BET1: variants seen among roughly 807,000 people sequenced by gnomAD.
BET1 encodes BET1 homolog.
BET1 carries 9 observed loss-of-function variants against 13.9 expected under a neutral mutation model. The observed-to-expected ratio is 0.65, with a 90% CI of 0.39 to 1.13. The LOEUF is 1.13. Among genes scored for constraint, BET1 ranks in the 50% most tolerant of loss-of-function variants. The pLI is 0.01. For synonymous variants in BET1, 39 were observed against 47.3 expected (o/e 0.82, Z 0.72); for missense variants, 127 against 133.6 (o/e 0.95, Z 0.24).
intron 4 of BET1, among the ~76,000 whole-genome samples, chr7:93,979,629 T>C (rs1386925521): frequency 1.3e-5 from 2 of 151,782 alleles, no homozygotes; most frequent in South Asian, 2.1e-4. Flanking sequence ...ACCGGCACAT[T>C]GAAGCCAGTA....
downstream of BET1, chr7:93,993,147 A>G: frequency 2.0e-6 from 2 of 984,804 alleles, no homozygotes; most frequent in Non-Finnish European, 2.4e-6. Context: ...AGTTCCAACA[A>G]TACAAATATT....
chr7:93,983,718 G>A (rs1048834157), intron 4 of BET1, among the ~76,000 whole-genome samples: 1 of 151,884 alleles, frequency 6.6e-6, no homozygotes, highest in African/African-American at 2.4e-5. Flanking sequence ...TAATCTGGGT[G>A]CATTATTTAC....
At chr7:93,974,974 C>G (rs1266232559) in intron 5 of BET1, among the ~76,000 whole-genome samples, 1 of 151,954 alleles carries the variant, frequency 6.6e-6, no homozygotes, top group African/African-American at 2.4e-5. Flanking sequence ...AGGGGCATAT[C>G]ACTTCTGTAG....
intron 5 of BET1, among the ~76,000 whole-genome samples, chr7:93,973,407 A>T (rs574665516): frequency 6.6e-6 from 1 of 152,062 alleles, no homozygotes; most frequent in South Asian, 2.1e-4. Context: ...GTATCTAGGA[A>T]GGTTTTGGGA....
At chr7:93,972,932 T>A (rs754416395) in intron 5 of BET1, among the ~76,000 whole-genome samples, 6 of 151,734 alleles carry the variant, frequency 4.0e-5, no homozygotes, top group Non-Finnish European at 8.8e-5. Flanking sequence ...ATTCTACTAC[T>A]GCAAGACAGC....
Position 93,993,910 on chromosome 7 carries a change from C to G in BET1, c.*320G>C. ...TAAGTTTCCTTACATGGGACATAAA[C>G]CTGCATTTATGATTACAACAAAATA... On this transcript the variant is annotated 3_prime_UTR_variant, in exon 4 of 4. Transcript: ENST00000222547. 2 of 1,535,688 alleles carry G rather than the reference C, an allele frequency of 1.3e-6. No individual in the cohort carries two copies. The highest frequency in any genetic ancestry group is 1.7e-6 in the Non-Finnish European group (2 of 1,146,712).
intron 4 of BET1, among the ~76,000 whole-genome samples, chr7:93,982,485 G>A (rs973300476): frequency 1.3e-5 from 2 of 152,044 alleles, no homozygotes; most frequent in Non-Finnish European, 1.5e-5. Context: ...TCTACTATGT[G>A]CCAGATACTA....
chr7:93,974,026 G>A (rs888600043), intron 5 of BET1, among the ~76,000 whole-genome samples: 3 of 151,844 alleles, frequency 2.0e-5, no homozygotes, highest in Non-Finnish European at 4.4e-5. Flanking sequence ...TATTTCAGAA[G>A]CTATTTTCTT....
chr7:93,984,360 G>A (rs1310204659), intron 4 of BET1, among the ~76,000 whole-genome samples: 1 of 152,090 alleles, frequency 6.6e-6, no homozygotes, highest in African/African-American at 2.4e-5. Context: ...GAGGTTCTGG[G>A]TGTACATGAA....
At chr7:93,974,972 A>T (rs1355976313) in intron 5 of BET1, among the ~76,000 whole-genome samples, 1 of 152,056 alleles carries the variant, frequency 6.6e-6, no homozygotes, top group Non-Finnish European at 1.5e-5. Flanking sequence ...AGAGGGGCAT[A>T]TCACTTCTGT....
chr7:93,986,060 T>C (rs1795523477), intron 4 of BET1, among the ~76,000 whole-genome samples: 1 of 152,188 alleles, frequency 6.6e-6, no homozygotes, highest in African/African-American at 2.4e-5. Flanking sequence ...CTAAAGTTAA[T>C]GGTTAGAAAT....
downstream of BET1, among the ~76,000 whole-genome samples, chr7:93,991,376 T>C (rs1182640000): frequency 2.6e-5 from 4 of 152,164 alleles, no homozygotes; most frequent in Non-Finnish European, 5.9e-5. Context: ...AGATTCTCAT[T>C]TGGGAAACAA....
chr7:93,966,549 G>A (rs182045673), intron 6 of BET1, among the ~76,000 whole-genome samples: 1 of 151,204 alleles, frequency 6.6e-6, no homozygotes, highest in African/African-American at 2.4e-5. Context: ...AGCACATAAT[G>A]CAATTCTAGC....
At chr7:93,995,837 A>G (rs1333384645) in intron 3 of BET1, among the ~76,000 whole-genome samples, 1 of 152,198 alleles carries the variant, frequency 6.6e-6, no homozygotes, top group Non-Finnish European at 1.5e-5. Context: ...ATGTATGAGC[A>G]CTTTTTTCAT....
In BET1 at chr7:93,993,794, TAGGAAAATTCA is replaced by T; in HGVS notation, c.*425_*435del. 2 of 1,521,162 alleles carry T rather than the reference TAGGAAAATTCA, an allele frequency of 1.3e-6. No individual in the cohort carries two copies. 94.2% of individuals were successfully genotyped at this position (1,521,162 alleles called of 1,614,324 possible). On this transcript the variant is annotated 3_prime_UTR_variant, in exon 4 of 4. Coordinates refer to ENST00000222547, the MANE Select transcript of BET1 (RefSeq NM_005868.6). ...AGTATATCATTACAGTTGATGCAGTTAGGAAAATTCAATTACCATTTTACCACAAACTGGCT... is the reference window on the plus strand; with the variant it reads ...AGTATATCATTACAGTTGATGCAGTTATTACCATTTTACCACAAACTGGCT...
intron 5 of BET1, among the ~76,000 whole-genome samples, chr7:93,973,328 C>T (rs1001780772): frequency 2.0e-5 from 3 of 151,838 alleles, no homozygotes; most frequent in African/African-American, 7.2e-5. Context: ...CAGAATTGAA[C>T]AGTCATTCTT....
At chr7:93,992,590 A>G (rs1326958598), downstream of BET1, 3 of 985,242 alleles carry the variant, frequency 3.0e-6, no homozygotes, top group African/African-American at 3.5e-5. Context: ...TCACTCTCCA[A>G]TTGCCTGATG....
At position 93,994,355 on chromosome 7, in the gene BET1, G is replaced by C. The variant is rs746032027; in HGVS notation, c.232C>G (p.Leu78Val). ...DSQFDSTTGF[L>V]GKTMGKLKIL... is the part of the protein sequence containing the mutation. ...TTCAGTTTGCCCATAGTTTTACCTA[G>C]AAATCCAGTTGTGGAATCAAATTGT... The change falls in exon 4 of 4, where the codon CTA (leucine) becomes GTA (valine). Residue 78 changes from leucine to valine, a missense_variant. By Grantham distance (32) the Leu-to-Val change is conservative. Coordinates refer to ENST00000222547, the MANE Select transcript of BET1 (RefSeq NM_005868.6). 1 of 1,613,144 alleles carries C rather than the reference G, an allele frequency of 6.2e-7. No homozygotes were observed. The highest frequency in any genetic ancestry group is 2.2e-5 in the East Asian group (1 of 44,822).
Position 93,994,001 on chromosome 7 carries a change from A to G in BET1, c.*229T>C, listed in dbSNP as rs1698727219. ...AAACAAACTGGAAATTAGTGGAGCC[A>G]CACCCTCTCACTACCCCTGAAAATA... is the stretch of plus-strand genomic sequence containing the variant. On this transcript the variant is annotated 3_prime_UTR_variant, in exon 4 of 4. Transcript: ENST00000222547. 1 of 1,521,718 alleles carries G rather than the reference A, an allele frequency of 6.6e-7. No individual in the cohort carries two copies. Among genetic ancestry groups the G allele is most frequent in the Non-Finnish European group, 8.8e-7 (1 of 1,140,498 alleles). The allele number at this position is 1,521,718 out of a possible 1,614,324, so 94.3% of individuals were successfully genotyped here.
Sources: allele counts gnomAD v4.1 joint callset (sites outside exome capture counted in the v4.1 genomes callset), GRCh38; gene constraint gnomAD v4.1.1; transcripts MANE v1.5; gene names NCBI Gene and HGNC (gene_info 2026-07-23, HGNC 2026-07-21).